The following FHOD3 variants were observed in gnomAD, a reference collection of about 807,000 sequenced individuals.
FHOD3 encodes FH1/FH2 domain-containing protein 3.
Under a neutral mutation model 173.0 loss-of-function variants are expected in FHOD3, and 90 were observed. The ratio of observed to expected loss-of-function variants is 0.52; its 90% CI spans 0.44 to 0.62. The LOEUF (loss-of-function observed/expected upper bound fraction) is 0.62. Among genes scored for constraint, FHOD3 ranks in the 20% least tolerant of loss-of-function variants. The pLI is 0.00. For missense variants in FHOD3, 1,945 were observed against 2,034.7 expected (o/e 0.96, Z 0.85); for synonymous variants, 828 against 823.0 (o/e 1.01, Z -0.10).
At chr18:36,530,932 A>T (rs866746453) in intron 5 of FHOD3, among the ~76,000 whole-genome samples, 3 of 152,122 alleles carry the variant, frequency 2.0e-5, no homozygotes, top group African/African-American at 7.2e-5. Context: ...AGATGACTGG[A>T]GACTTTGGGC....
At chr18:36,589,054 A>G (rs2059127541) in intron 6 of FHOD3, among the ~76,000 whole-genome samples, 1 of 152,194 alleles carries the variant, frequency 6.6e-6, no homozygotes, top group African/African-American at 2.4e-5. Context: ...GGTCCTCTGA[A>G]GGCTTTTAGC....
At chr18:36,408,487 TG>T (rs1289994215) in intron 3 of FHOD3, among the ~76,000 whole-genome samples, 1 of 151,522 alleles carries the variant, frequency 6.6e-6, no homozygotes, top group African/African-American at 2.4e-5. Flanking sequence ...GTGAAGGGCA[TG>T]GGGGGGTACA....
At chr18:36,410,674 G>A (rs1053430515) in intron 3 of FHOD3, among the ~76,000 whole-genome samples, 2 of 152,084 alleles carry the variant, frequency 1.3e-5, no homozygotes, top group Admixed American at 6.5e-5. Flanking sequence ...GTTTTTGTCT[G>A]TCTCGTTGAT....
chr18:36,454,584 A>T (rs185493440), intron 3 of FHOD3, among the ~76,000 whole-genome samples: 38 of 152,100 alleles, frequency 2.5e-4, no homozygotes, highest in Non-Finnish European at 4.3e-4. Flanking sequence ...CTATTGATGA[A>T]TTTATCCCTG....
chr18:36,760,723 C>T lies in FHOD3; in HGVS notation c.4565C>T (p.Pro1522Leu), dbSNP rs546431597. The change falls in exon 27 of 29, where the codon CCC becomes CTC. Residue 1522 changes from proline (P) to leucine (L), a missense_variant. Pro to Leu is a moderately conservative substitution (Grantham distance 98). Around this residue, in one of 5 missense-constraint regions of FHOD3, gnomAD observed 354 missense variants for 359.9 expected, o/e 0.98. Transcript: ENST00000590592. ...NMKAVLKTSS[P>L]SVEDATPALG... ...AAGGCTGTGCTGAAAACCTCGTCCC[C>T]CTCCGTGGAGGACGCCACCCCCGCG... is the stretch of plus-strand genomic sequence containing the variant. 6 of 1,613,186 alleles carry T rather than the reference C, an allele frequency of 3.7e-6. No individual in the cohort carries two copies. Among genetic ancestry groups the T allele is most frequent in the Non-Finnish European group, 5.1e-6 (6 of 1,180,004 alleles).
intron 9 of FHOD3, among the ~76,000 whole-genome samples, chr18:36,615,697 A>G (rs1219854294): frequency 6.6e-6 from 1 of 152,228 alleles, no homozygotes. Flanking sequence ...TTTCACAATT[A>G]CAAATGCTGT....
chr18:36,774,625 TTTG>T (rs748987068), intron 28 of FHOD3, among the ~76,000 whole-genome samples: 1 of 152,164 alleles, frequency 6.6e-6, no homozygotes, highest in Non-Finnish European at 1.5e-5. Flanking sequence ...ATGTCTGCTT[TTTG>T]TTGTTGTTCT....
chr18:36,574,904 T>G (rs2058589370), intron 5 of FHOD3, among the ~76,000 whole-genome samples: 1 of 152,146 alleles, frequency 6.6e-6, no homozygotes, highest in African/African-American at 2.4e-5. Context: ...TTAAATTTTT[T>G]GAGTTATTAC....
chr18:36,635,104 G>A (rs2148903978), intron 10 of FHOD3, among the ~76,000 whole-genome samples: 1 of 152,288 alleles, frequency 6.6e-6, no homozygotes, highest in African/African-American at 2.4e-5. Flanking sequence ...AGCAAAGGGT[G>A]GCCTGGAGAG....
intron 3 of FHOD3, among the ~76,000 whole-genome samples, chr18:36,375,255 C>CT (rs1345079727): frequency 1.3e-5 from 2 of 152,098 alleles, no homozygotes; most frequent in African/African-American, 4.8e-5. Flanking sequence ...GAAAATAAAC[C>CT]TTTTTCACAT....
intron 1 of FHOD3, among the ~76,000 whole-genome samples, chr18:36,331,213 A>G (rs1333078696): frequency 2.0e-5 from 3 of 152,204 alleles, no homozygotes; most frequent in African/African-American, 7.2e-5. Flanking sequence ...CTGGCATTCA[A>G]AAAAAGTTTG....
intron 5 of FHOD3, among the ~76,000 whole-genome samples, chr18:36,552,225 T>G (rs1361478246): frequency 6.6e-6 from 1 of 152,198 alleles, no homozygotes; most frequent in Non-Finnish European, 1.5e-5. Flanking sequence ...CCCTTTAAGT[T>G]GGATTCCTAG....
intron 3 of FHOD3, among the ~76,000 whole-genome samples, chr18:36,495,747 G>GCA (rs369541531): frequency 2.0e-5 from 3 of 152,004 alleles, no homozygotes; most frequent in African/African-American, 4.8e-5. Flanking sequence ...ACATGCCTCT[G>GCA]CACACACACA....
intron 6 of FHOD3, among the ~76,000 whole-genome samples, chr18:36,577,881 G>T (rs2058713007): frequency 6.6e-6 from 1 of 152,196 alleles, no homozygotes; most frequent in Non-Finnish European, 1.5e-5. Flanking sequence ...TTCTGCCGGG[G>T]TGTGGAGGAG....
intron 5 of FHOD3, among the ~76,000 whole-genome samples, chr18:36,574,974 T>C (rs1480876594): frequency 7.2e-5 from 11 of 152,034 alleles, no homozygotes; most frequent in Admixed American, 7.2e-4. Flanking sequence ...TTTTCTCTTT[T>C]TTTTTTTCTT....
intron 5 of FHOD3, among the ~76,000 whole-genome samples, chr18:36,531,711 T>G (rs1023128313): frequency 3.0e-4 from 45 of 152,312 alleles, no homozygotes; most frequent in African/African-American, 1.0e-3. Context: ...ACTGAATAAG[T>G]CTGAAAAACT....
At chr18:36,317,341 C>T (rs1464741088) in intron 1 of FHOD3, among the ~76,000 whole-genome samples, 9 of 152,238 alleles carry the variant, frequency 5.9e-5, no homozygotes, top group Admixed American at 5.9e-4. Flanking sequence ...CTCCCACCAA[C>T]AGAGTAAAAG....
At chr18:36,478,380 C>T (rs979562919) in intron 3 of FHOD3, among the ~76,000 whole-genome samples, 1 of 152,138 alleles carries the variant, frequency 6.6e-6, no homozygotes, top group Non-Finnish European at 1.5e-5. Context: ...AATGGGGTAT[C>T]TATCACCTCA....
chr18:36,765,019 A>C lies in FHOD3; in HGVS notation c.4624+4237A>C, dbSNP rs371525978. ...TCTAATGGGAAAGAGAAGCCAGCAG[A>C]ATTTGTAGTAGCTGTATGAACTGGT... On this transcript the variant is annotated intron_variant, in intron 27 of 28. Transcript: ENST00000590592. Among the ~76,000 whole-genome samples, 3 of 152,166 alleles carry C rather than the reference A, an allele frequency of 2.0e-5. No individual in the cohort carries two copies. In the East Asian group the frequency reaches 5.8e-4, roughly 29 times the overall value.
Sources: gnomAD v4.1 joint callset for allele counts (sites outside exome capture counted in the v4.1 genomes callset) on GRCh38, gnomAD v4.1.1 for gene constraint, gnomAD v4.1.1 regional missense constraint, MANE v1.5 for transcripts, NCBI Gene and HGNC (gene_info 2026-07-23, HGNC 2026-07-21) for gene names.